The following RIF1 variants were observed in gnomAD, a reference collection of about 807,000 sequenced individuals.
RIF1 encodes replication timing regulatory factor 1, also known as telomere-associated protein RIF1.
A neutral mutation model predicts 247.1 loss-of-function variants in RIF1; 45 were observed. That is an observed-to-expected ratio of 0.18 (90% CI 0.14 to 0.23). The LOEUF (loss-of-function observed/expected upper bound fraction) is 0.23, where lower values mean the gene tolerates loss of function less well. Ranked by LOEUF, RIF1 falls within the 10% of genes least tolerant of loss-of-function variation. The pLI is 1.00. For missense variants in RIF1, 2,967 were observed against 2,862.5 expected (o/e 1.04, Z -0.83); for synonymous variants, 1,087 against 978.8 (o/e 1.11, Z -2.06).
chr2:151,508,856 A>G (rs2071511260), downstream of RIF1, among the ~76,000 whole-genome samples: 1 of 152,334 alleles, frequency 6.6e-6, no homozygotes, highest in South Asian at 2.1e-4. Flanking sequence ...TCTTCCAGAC[A>G]CCAGTGGGCA....
intron 20 of RIF1, among the ~76,000 whole-genome samples, chr2:151,451,227 T>C (rs1365378744): frequency 6.6e-6 from 1 of 152,188 alleles, no homozygotes; most frequent in East Asian, 1.9e-4. Flanking sequence ...GTCTTTTCGA[T>C]GCTTAGATAC....
At chr2:151,520,321 G>A in the RIF1 span, among the ~76,000 whole-genome samples, 3 of 152,078 alleles carry the variant, frequency 2.0e-5, no homozygotes, top group East Asian at 3.9e-4. Context: ...AAATATGAGA[G>A]TTTGGGGGTT....
In RIF1 at chr2:151,469,708, T is replaced by G. The variant is rs1697509867; in HGVS notation, c.6942-3T>G. 11 of 1,537,634 alleles carry G rather than the reference T, an allele frequency of 7.2e-6. No individual in the cohort carries two copies. The highest frequency in any genetic ancestry group is 9.6e-6 in the Non-Finnish European group (11 of 1,146,066). On this transcript the variant is annotated splice_polypyrimidine_tract_variant and splice_region_variant and intron_variant, in intron 33 of 35. Transcript: ENST00000444746. ...TATAATTTCCTGTTTCTGTTTTGTT[T>G]AGGGCAAGAGGCCTGGGACAACTCA...
At chr2:151,489,980 A>G in intron 9 of RIF1, 1 of 1,590,790 alleles carries the variant, frequency 6.3e-7, no homozygotes, top group Non-Finnish European at 8.6e-7. Flanking sequence ...CTCCAGCAGT[A>G]GATGGATGAG....
intron 8 of RIF1, chr2:151,423,749 A>G (rs1688547746): frequency 1.3e-5 from 2 of 152,258 alleles, no homozygotes; most frequent in Admixed American, 6.5e-5. Context: ...GAGAGAATCA[A>G]CTGTATGTTC....
rs528260844 is a variant in RIF1, at chr2:151,453,931, T to C, written c.2345-964T>C. Among the ~76,000 whole-genome samples, 241 of 152,346 alleles carry C rather than the reference T, an allele frequency of 1.6e-3. 1 individual carries two copies. Among genetic ancestry groups the C allele is most frequent in the Non-Finnish European group, 3.0e-3 (203 of 68,030 alleles). On this transcript the variant is annotated intron_variant, in intron 21 of 35. Transcript: ENST00000444746. The stretch of plus-strand genomic sequence containing the variant: ...TATTTTTCTCTACTGTCTCTAATAG[T>C]GAGAAACCTGGTTTTCATTACCCTC...
At chr2:151,483,434 C>T (rs528684164), downstream of RIF1, 1 of 152,046 alleles carries the variant, frequency 6.6e-6, no homozygotes, top group Non-Finnish European at 1.5e-5. Flanking sequence ...AAGGAAGTTA[C>T]AAGGTAATGA....
chr2:151,464,690 A>G lies in RIF1; in HGVS notation c.5170A>G (p.Arg1724Gly), dbSNP rs147739440. 2 of 1,612,492 alleles carry G rather than the reference A, an allele frequency of 1.2e-6. No homozygotes were observed. Among genetic ancestry groups the G allele is most frequent in the Non-Finnish European group, 1.7e-6 (2 of 1,179,230 alleles). ...ACTTGAATGCCAACACAAGAGAAGT[A>G]GGAGGGTGAGGAGATCTAAAGGTTG... ...QTLECQHKRS[R>G]RVRRSKGCDC... Residue 1724 changes from arginine (R) to glycine (G), a missense_variant, in exon 30 of 36, where the codon AGG (arginine) becomes GGG (glycine). Physicochemically the swap from Arg to Gly is moderately radical, Grantham distance 125 (BLOSUM62 -2). Around this residue, in one of 7 missense-constraint regions of RIF1, gnomAD observed 2,028 missense variants for 1,825.6 expected, o/e 1.11. Coordinates refer to ENST00000444746, the MANE Select transcript of RIF1 (RefSeq NM_018151.5).
In RIF1 at chr2:151,438,670, A is replaced by G. The variant is rs1558969023; in HGVS notation, c.1484-14A>G. 2.5e-6 allele frequency: 4 copies of G among 1,597,724 alleles called. No homozygotes were observed. Among genetic ancestry groups the G allele is most frequent in the East Asian group, 4.5e-5 (2 of 44,772 alleles). On this transcript the variant is annotated splice_polypyrimidine_tract_variant and intron_variant, in intron 13 of 35. Transcript: ENST00000444746. ...TACTTCATTTAAAATACTCAAGTTT[A>G]TTTTGTTTGACAGATGTGGTTGTCA...
chr2:151,491,499 TAACTTG>T (rs1383375722), intron 9 of RIF1: 34 of 502,846 alleles, frequency 6.8e-5, no homozygotes, highest in African/African-American at 3.5e-4. Flanking sequence ...AAATTTTTTC[TAACTTG>T]AACTTATCTA....
chr2:151,422,346 G>A (rs1223262173), intron 7 of RIF1, among the ~76,000 whole-genome samples: 1 of 151,974 alleles, frequency 6.6e-6, no homozygotes, highest in Non-Finnish European at 1.5e-5. Context: ...GAAAAAAAAA[G>A]TTGGATTGAT....
the RIF1 span, among the ~76,000 whole-genome samples, chr2:151,525,597 A>T: frequency 6.6e-6 from 1 of 152,256 alleles, no homozygotes; most frequent in Admixed American, 6.5e-5. Context: ...AGGATAGAGC[A>T]GGCAGAGATT....
intron 20 of RIF1, among the ~76,000 whole-genome samples, chr2:151,448,410 C>T (rs1693697995): frequency 6.6e-6 from 1 of 152,154 alleles, no homozygotes; most frequent in African/African-American, 2.4e-5. Context: ...CACGTCTTCT[C>T]CTCAGTAATA....
intron 9 of RIF1, among the ~76,000 whole-genome samples, chr2:151,432,167 C>T (rs1417159087): frequency 1.3e-5 from 2 of 152,088 alleles, no homozygotes; most frequent in Non-Finnish European, 2.9e-5. Flanking sequence ...ACCGCCATGC[C>T]TAGCTAACCT....
In RIF1 at chr2:151,474,919, G is replaced by A; in HGVS notation, c.7267G>A (p.Ala2423Thr). The change falls in exon 36 of 36, where the codon GCT (alanine) becomes ACT (threonine). Residue 2423 changes from alanine (A) to threonine (T), a missense_variant. Transcript: ENST00000444746. ...LSKNLLAQIS[A>T]LALQLDSEDL... is the part of the protein sequence containing the mutation. ...CAAAAACCTTCTGGCACAGATTAGTGCTCTTGCTCTTCAGCTGGATTCAGA... is the reference window on the plus strand; with the variant it reads ...CAAAAACCTTCTGGCACAGATTAGTACTCTTGCTCTTCAGCTGGATTCAGA... 2 of 1,608,462 alleles carry A rather than the reference G, an allele frequency of 1.2e-6. No individual in the cohort carries two copies. Among genetic ancestry groups the A allele is most frequent in the Non-Finnish European group, 1.7e-6 (2 of 1,175,194 alleles).
downstream of RIF1, among the ~76,000 whole-genome samples, chr2:151,483,642 A>G (rs547523753): frequency 5.3e-5 from 8 of 152,252 alleles, no homozygotes; most frequent in Admixed American, 2.6e-4. Context: ...TAATATTAGC[A>G]TATAACCTAT....
At chr2:151,423,541 G>A (rs946088623) in intron 8 of RIF1, 1 of 153,338 alleles carries the variant, frequency 6.5e-6, no homozygotes, top group African/African-American at 2.4e-5. Context: ...CTGGCTGTGA[G>A]TTTGATGTTA....
Position 151,457,809 on chromosome 2 carries a change from A to C in RIF1, c.2701A>C (p.Thr901Pro). 6.2e-7 allele frequency: 1 copy of C among 1,613,886 alleles called. No individual in the cohort carries two copies. The highest frequency in any genetic ancestry group is 8.5e-7 in the Non-Finnish European group (1 of 1,179,898). The change falls in exon 24 of 36, where the codon ACC becomes CCC. Residue 901 changes from threonine to proline, a missense_variant. This residue lies in a region of RIF1 where 2,028 missense variants were observed against 1,825.6 expected (regional missense o/e 1.11). Transcript: ENST00000444746. The part of the protein sequence containing the change: ...EIIACLQFSY[T>P]GTYDSELLEQ... ...TATTGCTTGTCTGCAATTCAGCTACACCGGAACTTATGATAGTGAACTTCT... is the reference window on the plus strand; with the variant it reads ...TATTGCTTGTCTGCAATTCAGCTACCCCGGAACTTATGATAGTGAACTTCT...
chr2:151,458,034 A>AG (rs1695488220), intron 24 of RIF1, 71 bp downstream of exon 24: 2 of 976,000 alleles, frequency 2.0e-6, no homozygotes, highest in Admixed American at 5.4e-5. Context: ...ACTTTGATTC[A>AG]AATAATCTTT....
Sources: gnomAD v4.1 joint callset for allele counts (sites outside exome capture counted in the v4.1 genomes callset) on GRCh38, gnomAD v4.1.1 for gene constraint, gnomAD v4.1.1 regional missense constraint, MANE v1.5 for transcripts, NCBI Gene and HGNC (gene_info 2026-07-23, HGNC 2026-07-21) for gene names.